The following MRPL1 variants were observed in gnomAD, a reference collection of about 807,000 sequenced individuals.
MRPL1 encodes large ribosomal subunit protein uL1m.
MRPL1 carries 28 observed loss-of-function variants against 38.0 expected under a neutral mutation model. The observed-to-expected ratio is 0.74, with a 90% confidence interval of 0.55 to 1.01. The LOEUF (loss-of-function observed/expected upper bound fraction) is 1.01. MRPL1 is among the 50% of genes least tolerant of loss of function. MRPL1 has a pLI of 0.00. For synonymous variants in MRPL1, 123 were observed against 126.7 expected (o/e 0.97, Z 0.20); for missense variants, 358 against 389.8 (o/e 0.92, Z 0.69).
intron 2 of MRPL1, 94 bp downstream of exon 2, chr4:77,871,949 T>C (rs1735290343): frequency 4.9e-6 from 4 of 809,792 alleles, no homozygotes; most frequent in Non-Finnish European, 8.1e-6. Context: ...CCAGGACATA[T>C]AGTTGTAAAA....
At chr4:77,868,508 T>C (rs1735206451) in intron 1 of MRPL1, among the ~76,000 whole-genome samples, 1 of 152,216 alleles carries the variant, frequency 6.6e-6, no homozygotes, top group South Asian at 2.1e-4. Context: ...CCCAAAGTGC[T>C]GGGATTACCG....
intron 7 of MRPL1, among the ~76,000 whole-genome samples, chr4:77,918,424 G>A (rs1736475960): frequency 6.6e-6 from 1 of 152,104 alleles, no homozygotes; most frequent in African/African-American, 2.4e-5. Context: ...AGTCTTCTAG[G>A]GTTTTTTTTT....
chr4:77,938,135 T>C (rs1737032125), intron 7 of MRPL1, among the ~76,000 whole-genome samples: 2 of 152,250 alleles, frequency 1.3e-5, no homozygotes, highest in South Asian at 4.1e-4. Flanking sequence ...CCACCTGTTT[T>C]TGTAAAGAAA....
At chr4:77,939,740 A>G (rs1455192241) in intron 7 of MRPL1, among the ~76,000 whole-genome samples, 1 of 152,208 alleles carries the variant, frequency 6.6e-6, no homozygotes, top group Non-Finnish European at 1.5e-5. Context: ...ATGAGGATCC[A>G]GTTTTATTCT....
intron 5 of MRPL1, among the ~76,000 whole-genome samples, chr4:77,892,970 T>C (rs1735837632): frequency 1.2e-5 from 1 of 80,238 alleles, no homozygotes; most frequent in Admixed American, 1.2e-4. Flanking sequence ...TGTAAGTTGT[T>C]GTTAAGGAGA....
At position 77,897,847 on chromosome 4, in the gene MRPL1, A is replaced by T. The variant is rs533651138; in HGVS notation, c.670+3597A>T. The stretch of plus-strand genomic sequence containing the variant: ...AATTTTTGCAAGGTAATGAATTTGA[A>T]ATTTTTCTAAATTTCTGCCCCTTCA... On this transcript the variant is annotated intron_variant, in intron 6 of 8. Coordinates refer to ENST00000315567, the MANE Select transcript of MRPL1 (RefSeq NM_020236.4). Among the ~76,000 whole-genome samples the T allele has an allele frequency of 3.3e-4, 51 of 152,316 alleles. No homozygotes were observed. In the South Asian group the frequency reaches 0.01, roughly 31 times the overall value.
At chr4:77,895,365 G>T (rs999993326) in intron 6 of MRPL1, among the ~76,000 whole-genome samples, 2 of 151,996 alleles carry the variant, frequency 1.3e-5, no homozygotes, top group East Asian at 3.8e-4. Flanking sequence ...GAGAGGTTGA[G>T]GGGGAGAAAA....
intron 1 of MRPL1, among the ~76,000 whole-genome samples, chr4:77,867,551 T>G (rs998544334): frequency 2.1e-5 from 2 of 95,554 alleles, no homozygotes; most frequent in African/African-American, 1.2e-4. Context: ...CTTTTTCTTT[T>G]TCTTTTCTTT....
intron 1 of MRPL1, among the ~76,000 whole-genome samples, chr4:77,865,037 G>A (rs1021245713): frequency 3.9e-5 from 6 of 151,936 alleles, no homozygotes; most frequent in Admixed American, 2.6e-4. Flanking sequence ...TTACAGGCGC[G>A]TGCCACCATG....
intron 6 of MRPL1, among the ~76,000 whole-genome samples, chr4:77,896,313 A>C (rs1359598657): frequency 6.6e-6 from 1 of 152,088 alleles, no homozygotes; most frequent in Non-Finnish European, 1.5e-5. Flanking sequence ...TTCATAATGA[A>C]TTGCAACTTC....
At chr4:77,895,159 T>C (rs1735884199) in intron 6 of MRPL1, among the ~76,000 whole-genome samples, 2 of 152,044 alleles carry the variant, frequency 1.3e-5, no homozygotes, top group African/African-American at 4.8e-5. Context: ...GAGATGGGAG[T>C]GACATAATCT....
intron 7 of MRPL1, among the ~76,000 whole-genome samples, chr4:77,931,388 C>T (rs1736840785): frequency 6.6e-6 from 1 of 152,134 alleles, no homozygotes; most frequent in South Asian, 2.1e-4. Context: ...AAGCTGCATT[C>T]GAAAGGTGGC....
At position 77,886,479 on chromosome 4, in the gene MRPL1, C is replaced by T. The variant is rs899823607; in HGVS notation, c.487-741C>T. 2.0e-5 allele frequency among the ~76,000 whole-genome samples: 3 copies of T among 151,878 alleles called. 1 individual carries two copies. The highest frequency in any genetic ancestry group is 6.6e-5 in the Admixed American group (1 of 15,230). On this transcript the variant is annotated intron_variant, in intron 4 of 8. Transcript: ENST00000315567. Reference sequence around the variant, plus strand: ...CCTCCCGAGTAGCTGCGATTACAGGCATGCACCACCACACCTGGCTAATTT... The same window carrying T: ...CCTCCCGAGTAGCTGCGATTACAGGTATGCACCACCACACCTGGCTAATTT...
rs138196263 is a variant in MRPL1 at position 77,926,685 on chromosome 4, C to T, written c.777+17313C>T. On this transcript the variant is annotated intron_variant, in intron 7 of 8. Transcript: ENST00000315567. ...GTGCAGTGGTGCGATCTTGGCTCAC[C>T]GCAACCTCTGCCTCCTGGGTTCAGG... Among the ~76,000 whole-genome samples, 1,210 of 151,492 alleles carry T rather than the reference C, an allele frequency of 8.0e-3. 17 individuals carry two copies. The highest frequency in any genetic ancestry group is 0.065 in the Middle Eastern group (19 of 294).
At chr4:77,923,637 GAA>G (rs1319147220) in intron 7 of MRPL1, among the ~76,000 whole-genome samples, 1 of 151,848 alleles carries the variant, frequency 6.6e-6, no homozygotes, top group South Asian at 2.1e-4. Flanking sequence ...GTGTATGTGA[GAA>G]AAAAGTTTCA....
At chr4:77,873,616 C>T (rs1251188348) in intron 2 of MRPL1, among the ~76,000 whole-genome samples, 3 of 152,154 alleles carry the variant, frequency 2.0e-5, no homozygotes, top group Non-Finnish European at 4.4e-5. Context: ...GCCTCAGTTG[C>T]CTCTTACTTA....
At chr4:77,909,485 C>G in intron 7 of MRPL1, 113 bp downstream of exon 7, 1 of 655,024 alleles carries the variant, frequency 1.5e-6, no homozygotes, top group Non-Finnish European at 2.6e-6. Context: ...TTGGCACTAG[C>G]ATTAAGAATG....
intron 1 of MRPL1, among the ~76,000 whole-genome samples, chr4:77,867,045 C>T (rs1045063611): frequency 1.2e-4 from 19 of 152,168 alleles, no homozygotes; most frequent in Admixed American, 3.3e-4. Flanking sequence ...CATGCCTGGC[C>T]TCAAATGTCA....
intron 7 of MRPL1, among the ~76,000 whole-genome samples, chr4:77,913,854 G>T (rs903088265): frequency 2.6e-5 from 4 of 152,164 alleles, no homozygotes; most frequent in African/African-American, 9.7e-5. Flanking sequence ...AAAGAAGTTA[G>T]AAAAAAGGGA....
Sources: gnomAD v4.1 joint callset for allele counts (sites outside exome capture counted in the v4.1 genomes callset) on GRCh38, gnomAD v4.1.1 for gene constraint, MANE v1.5 for transcripts, NCBI Gene and HGNC (gene_info 2026-07-23, HGNC 2026-07-21) for gene names.